The following SPTLC3 variants were observed in gnomAD, a reference collection of about 807,000 sequenced individuals.
SPTLC3 encodes serine palmitoyltransferase 3.
A neutral mutation model predicts 59.3 loss-of-function variants in SPTLC3; 36 were observed. That is an observed-to-expected ratio of 0.61 (90% CI 0.47 to 0.80). The LOEUF is 0.80. Among genes scored for constraint, SPTLC3 ranks in the 30% least tolerant of loss-of-function variants. The pLI is 0.00. For synonymous variants in SPTLC3, 257 were observed against 240.8 expected (o/e 1.07, Z -0.62); for missense variants, 625 against 685.1 (o/e 0.91, Z 0.98).
In SPTLC3 at chr20:13,068,657, T is replaced by C. The variant is rs548779890; in HGVS notation, c.304-3599T>C. 1.5e-4 allele frequency among the ~76,000 whole-genome samples: 23 copies of C among 152,186 alleles called. 1 individual carries two copies. The South Asian group carries it at 4.8e-3, about 32-fold the overall frequency. On this transcript the variant is annotated intron_variant, in intron 2 of 11. Coordinates refer to ENST00000399002, the MANE Select transcript of SPTLC3 (RefSeq NM_018327.4). ...ATTCTAAGTAGGTCTCCAAACTCAA[T>C]TGGCCCTCTCAGAAACATGTAGGTT...
chr20:13,062,752 C>G (rs1988022733), intron 2 of SPTLC3, among the ~76,000 whole-genome samples: 1 of 152,056 alleles, frequency 6.6e-6, no homozygotes, highest in South Asian at 2.1e-4. Flanking sequence ...GTTTTTTTCC[C>G]CTAACTCTGG....
chr20:13,031,563 C>T (rs1986450430), intron 1 of SPTLC3, among the ~76,000 whole-genome samples: 2 of 152,138 alleles, frequency 1.3e-5, no homozygotes, highest in African/African-American at 4.8e-5. Context: ...TGGCACTTGG[C>T]TAGACTTCTT....
chr20:13,043,607 C>T (rs1297461038), intron 1 of SPTLC3, among the ~76,000 whole-genome samples: 1 of 152,228 alleles, frequency 6.6e-6, no homozygotes, highest in Non-Finnish European at 1.5e-5. Flanking sequence ...ATGTGCTCTT[C>T]ATCCTGTCTC....
At chr20:13,025,891 C>T (rs1373407994) in intron 1 of SPTLC3, among the ~76,000 whole-genome samples, 1 of 152,144 alleles carries the variant, frequency 6.6e-6, no homozygotes, top group Non-Finnish European at 1.5e-5. Context: ...CCACCCTCCA[C>T]CCTCCATTAG....
intron 6 of SPTLC3, among the ~76,000 whole-genome samples, chr20:13,098,904 G>C (rs1351327222): frequency 6.6e-6 from 1 of 152,180 alleles, no homozygotes; most frequent in African/African-American, 2.4e-5. Context: ...AACTAATTGA[G>C]AATTGGGTGC....
At chr20:13,078,388 C>T (rs918703420) in intron 4 of SPTLC3, among the ~76,000 whole-genome samples, 1 of 151,316 alleles carries the variant, frequency 6.6e-6, no homozygotes, top group African/African-American at 2.4e-5. Context: ...TTCATAGATG[C>T]TGCTAAGCAT....
At chr20:13,132,171 A>ATTTTTTTTTT (rs35718222) in intron 9 of SPTLC3, among the ~76,000 whole-genome samples, 2 of 104,000 alleles carry the variant, frequency 1.9e-5, no homozygotes, top group East Asian at 2.7e-4. Flanking sequence ...CCTTGCTTTA[A>ATTTTTTTTTT]TTTTTTTTTT....
At chr20:13,111,463 A>C (rs773100560) in intron 7 of SPTLC3, among the ~76,000 whole-genome samples, 2 of 152,222 alleles carry the variant, frequency 1.3e-5, no homozygotes, top group Non-Finnish European at 2.9e-5. Flanking sequence ...CCTACGATGC[A>C]TGGGACAGCC....
At chr20:13,030,698 G>C (rs1199262863) in intron 1 of SPTLC3, among the ~76,000 whole-genome samples, 1 of 152,014 alleles carries the variant, frequency 6.6e-6, no homozygotes, top group Non-Finnish European at 1.5e-5. Context: ...CCTCCTCCTG[G>C]AACTGACATT....
At chr20:13,153,743 C>T (rs1023904971) in intron 9 of SPTLC3, among the ~76,000 whole-genome samples, 1 of 152,112 alleles carries the variant, frequency 6.6e-6, no homozygotes, top group Non-Finnish European at 1.5e-5. Flanking sequence ...TCCCACCAGC[C>T]CTCTAGCGTA....
intron 1 of SPTLC3, among the ~76,000 whole-genome samples, chr20:13,041,959 A>T (rs1444053537): frequency 2.0e-5 from 3 of 152,186 alleles, no homozygotes; most frequent in Non-Finnish European, 4.4e-5. Flanking sequence ...CTCTGTTGGT[A>T]TCACTCCCAA....
At chr20:13,036,297 C>T (rs6033583) in intron 1 of SPTLC3, among the ~76,000 whole-genome samples, 1 of 151,734 alleles carries the variant, frequency 6.6e-6, no homozygotes. Flanking sequence ...TCCTTTCCAC[C>T]TCATCCACCT....
At position 13,117,648 on chromosome 20, in the gene SPTLC3, C is replaced by G; in HGVS notation, c.1075C>G (p.Pro359Ala). 1 of 1,614,044 alleles carries G rather than the reference C, an allele frequency of 6.2e-7. No homozygotes were observed. Among genetic ancestry groups the G allele is most frequent in the Non-Finnish European group, 8.5e-7 (1 of 1,179,942 alleles). ...RGVTEFFGLDPHEVDVLMGTF... is the reference protein window; with the variant it reads ...RGVTEFFGLDAHEVDVLMGTF... ...TGTCACGGAGTTCTTTGGACTAGAC[C>G]CTCATGAAGTTGATGTGCTCATGGG... The change falls in exon 8 of 12, where the codon CCT becomes GCT. Residue 359 changes from proline (P) to alanine (A), a missense_variant. By Grantham distance (27) the Pro-to-Ala change is conservative. Transcript: ENST00000399002.
chr20:13,009,711 A>C (rs948019101), intron 1 of SPTLC3, among the ~76,000 whole-genome samples: 6 of 152,184 alleles, frequency 3.9e-5, no homozygotes, highest in African/African-American at 9.6e-5. Context: ...CTTTGCATAT[A>C]TTTTTGTCCA....
intron 6 of SPTLC3, among the ~76,000 whole-genome samples, chr20:13,106,313 A>G (rs1392606630): frequency 4.6e-5 from 7 of 152,130 alleles, no homozygotes; most frequent in African/African-American, 1.7e-4. Flanking sequence ...CTAGGGCGAG[A>G]AGGATGAGGA....
At chr20:13,050,813 A>G (rs1987454183) in intron 2 of SPTLC3, 1 of 152,230 alleles carries the variant, frequency 6.6e-6, no homozygotes, top group Non-Finnish European at 1.5e-5. Context: ...AGAATTTTGT[A>G]TACAGCGAAA....
intron 5 of SPTLC3, 45 bp downstream of exon 5, chr20:13,091,252 G>A (rs769798225): frequency 1.3e-6 from 2 of 1,599,568 alleles, no homozygotes; most frequent in East Asian, 2.3e-5. Context: ...TTACTCCTAA[G>A]AACTGTAACT....
intron 11 of SPTLC3, among the ~76,000 whole-genome samples, chr20:13,161,289 G>A (rs181878590): frequency 6.6e-6 from 1 of 152,268 alleles, no homozygotes; most frequent in Admixed American, 6.5e-5. Context: ...CAATGGGAGT[G>A]GGGGAATAGA....
intron 9 of SPTLC3, among the ~76,000 whole-genome samples, chr20:13,140,495 A>G (rs1340664523): frequency 6.6e-6 from 1 of 152,198 alleles, no homozygotes; most frequent in Non-Finnish European, 1.5e-5. Flanking sequence ...GAGACTTCCT[A>G]TCAGGATGGA....
Sources: gnomAD v4.1 joint callset for allele counts (sites outside exome capture counted in the v4.1 genomes callset) on GRCh38, gnomAD v4.1.1 for gene constraint, MANE v1.5 for transcripts, NCBI Gene and HGNC (gene_info 2026-07-23, HGNC 2026-07-21) for gene names.